RPAP2: variants seen among roughly 807,000 people sequenced by gnomAD.
RPAP2 encodes the protein putative RNA polymerase II subunit B1 CTD phosphatase RPAP2.
A neutral mutation model predicts 73.1 loss-of-function variants in RPAP2; 52 were observed. The ratio of observed to expected loss-of-function variants is 0.71; its 90% confidence interval spans 0.57 to 0.90. The LOEUF is 0.90. Ranked by LOEUF, RPAP2 falls within the 40% of genes least tolerant of loss-of-function variation. RPAP2 has a pLI of 0.00. For missense variants in RPAP2, 598 were observed against 701.8 expected, an observed-to-expected ratio of 0.85 and a Z score of 1.67; for synonymous variants, 225 against 242.1, an observed-to-expected ratio of 0.93 and a Z score of 0.65.
chr1:92,322,743 G>A (rs1652357565), intron 7 of RPAP2, among the ~76,000 whole-genome samples: 1 of 151,326 alleles, frequency 6.6e-6, no homozygotes, highest in Admixed American at 6.6e-5. Flanking sequence ...CAGGCGTGGT[G>A]GTGCCCACGT....
At chr1:92,346,429 G>T (rs1653904486) in intron 11 of RPAP2, among the ~76,000 whole-genome samples, 1 of 152,072 alleles carries the variant, frequency 6.6e-6, no homozygotes, top group South Asian at 2.1e-4. Context: ...CTCCCAAACT[G>T]CTAGGATTAT....
intron 6 of RPAP2, among the ~76,000 whole-genome samples, chr1:92,315,713 C>G (rs1039522452): frequency 6.6e-6 from 1 of 152,098 alleles, no homozygotes; most frequent in Non-Finnish European, 1.5e-5. Flanking sequence ...TAAATTCTAC[C>G]TCCATACTTT....
chr1:92,386,785 C>T (rs1431149334), intron 12 of RPAP2, among the ~76,000 whole-genome samples: 1 of 152,092 alleles, frequency 6.6e-6, no homozygotes, highest in East Asian at 1.9e-4. Context: ...ACTGCAATCT[C>T]TGCCTCCCGA....
intron 6 of RPAP2, among the ~76,000 whole-genome samples, chr1:92,314,526 G>C (rs1178180894): frequency 6.6e-6 from 1 of 152,266 alleles, no homozygotes; most frequent in East Asian, 1.9e-4. Flanking sequence ...AAGGCCGGTG[G>C]ATCACTTGAG....
intron 11 of RPAP2, among the ~76,000 whole-genome samples, chr1:92,359,794 GA>G (rs1444589703): frequency 6.6e-6 from 1 of 152,196 alleles, no homozygotes; most frequent in Non-Finnish European, 1.5e-5. Context: ...TGGGATGGAT[GA>G]AATGGCAAGA....
intron 11 of RPAP2, among the ~76,000 whole-genome samples, chr1:92,360,079 A>T (rs2101379983): frequency 6.6e-6 from 1 of 152,368 alleles, no homozygotes; most frequent in African/African-American, 2.4e-5. Flanking sequence ...CAGAGCTAAG[A>T]TTCAGACTCA....
intron 11 of RPAP2, among the ~76,000 whole-genome samples, chr1:92,347,014 C>A (rs552937411): frequency 6.6e-6 from 1 of 152,260 alleles, no homozygotes; most frequent in African/African-American, 2.4e-5. Flanking sequence ...TTACTTCAGT[C>A]TGACATGTTA....
chr1:92,331,612 C>G (rs1489963102), intron 8 of RPAP2, among the ~76,000 whole-genome samples: 1 of 152,156 alleles, frequency 6.6e-6, no homozygotes, highest in Non-Finnish European at 1.5e-5. Context: ...CATGATTTAA[C>G]TCCATCTATC....
rs1373620467 is a variant in RPAP2, at chr1:92,391,646, AAAG to A, written c.*4641_*4643del. 2 of 144,502 alleles carry A rather than the reference AAAG, an allele frequency of 1.4e-5. No individual in the cohort carries two copies. The highest frequency in any genetic ancestry group is 2.1e-4 in the South Asian group (1 of 4,820). 9.0% of individuals were successfully genotyped at this position (144,502 alleles called of 1,614,324 possible). On this transcript the variant is annotated 3_prime_UTR_variant, in exon 13 of 13. Transcript: ENST00000610020. ...TTGATAGACCGTTAGCAAGGCTAAAAAAGAAGAAAAGAGAGAAGAGTCAAATAG... is the reference window on the plus strand; with the variant it reads ...TTGATAGACCGTTAGCAAGGCTAAAAAAGAAAAGAGAGAAGAGTCAAATAG...
At chr1:92,320,305 G>A (rs903422174) in intron 6 of RPAP2, among the ~76,000 whole-genome samples, 5 of 151,692 alleles carry the variant, frequency 3.3e-5, no homozygotes, top group Non-Finnish European at 7.4e-5. Flanking sequence ...ATGGAGTCTC[G>A]CTCTGTCGCC....
intron 12 of RPAP2, among the ~76,000 whole-genome samples, chr1:92,381,459 A>G (rs1655624688): frequency 6.6e-6 from 1 of 152,072 alleles, no homozygotes; most frequent in Non-Finnish European, 1.5e-5. Flanking sequence ...CTTAATTATA[A>G]CTTTCCATGT....
chr1:92,336,990 TACTC>T (rs1322581592), intron 10 of RPAP2, among the ~76,000 whole-genome samples: 3 of 152,096 alleles, frequency 2.0e-5, no homozygotes, highest in East Asian at 1.9e-4. Flanking sequence ...AAGATAAAAA[TACTC>T]ACTCAGGCTA....
chr1:92,357,752 G>C (rs923738714), intron 11 of RPAP2, among the ~76,000 whole-genome samples: 1 of 152,188 alleles, frequency 6.6e-6, no homozygotes, highest in African/African-American at 2.4e-5. Context: ...GGCTGGTCTC[G>C]AACTCTTGGC....
At chr1:92,362,614 CACTTCAGAA>C (rs1654777555) in intron 11 of RPAP2, among the ~76,000 whole-genome samples, 2 of 152,276 alleles carry the variant, frequency 1.3e-5, no homozygotes, top group South Asian at 4.1e-4. Flanking sequence ...GCAGCAAAAG[CACTTCAGAA>C]ACTGCTCAAA....
At chr1:92,380,562 A>T (rs565496611) in intron 11 of RPAP2, among the ~76,000 whole-genome samples, 162 bp from the exon 12 acceptor site, 2 of 152,232 alleles carry the variant, frequency 1.3e-5, no homozygotes, top group African/African-American at 4.8e-5. Flanking sequence ...TTTTCCTGAG[A>T]CTTCTCTTCT....
At chr1:92,340,856 ATGACTCAC>A (rs1653555853) in intron 10 of RPAP2, among the ~76,000 whole-genome samples, 1 of 152,172 alleles carries the variant, frequency 6.6e-6, no homozygotes, top group South Asian at 2.1e-4. Flanking sequence ...CTGCTTGATA[ATGACTCAC>A]TGTCATCAGT....
Position 92,401,070 on chromosome 1 carries a change from T to A in RPAP2, c.*14059T>A, listed in dbSNP as rs4970699. 6.6e-6 allele frequency: 1 copy of A among 152,136 alleles called. No individual in the cohort carries two copies. The highest frequency in any genetic ancestry group is 2.4e-5 in the African/African-American group (1 of 41,534). The allele number at this position is 152,136 out of a possible 1,614,324, so 9.4% of individuals were successfully genotyped here. On this transcript the variant is annotated 3_prime_UTR_variant, in exon 13 of 13. Coordinates refer to ENST00000610020, the MANE Select transcript of RPAP2 (RefSeq NM_024813.3). ...CAGATCTCATGAGAACTCACTATCA[T>A]GAGAACAGCAGGGGAGAACCACCCC...
chr1:92,385,963 G>T (rs933141667), intron 12 of RPAP2, among the ~76,000 whole-genome samples: 2 of 152,086 alleles, frequency 1.3e-5, no homozygotes, highest in Non-Finnish European at 1.5e-5. Context: ...TTGTTGGCAG[G>T]ATCGCACTCC....
In RPAP2 at chr1:92,301,589, G is replaced by A; in HGVS notation, c.233G>A (p.Cys78Tyr). 7.7e-7 allele frequency: 1 copy of A among 1,307,172 alleles called. No homozygotes were observed. The allele number at this position is 1,307,172 out of a possible 1,614,324, so 81.0% of individuals were successfully genotyped here. A position where few individuals can be genotyped will look rare whatever the true frequency, so the allele number is the denominator to read the frequency against. ...ENITEEFLME[C>Y]GRFITPAHYS... Reference sequence around the variant, plus strand: ...ATTACAGAAGAGTTCCTAATGGAGTGTGTATGTGTTAAGTTGACAAATTAT... The same window carrying A: ...ATTACAGAAGAGTTCCTAATGGAGTATGTATGTGTTAAGTTGACAAATTAT... The change falls in exon 3 of 13, where the codon TGT becomes TAT. Residue 78 changes from cysteine (C) to tyrosine (Y), a missense_variant and splice_region_variant. Cys to Tyr is a radical substitution (Grantham distance 194). This residue lies in a region of RPAP2 where 506 missense variants were observed against 612.8 expected (regional missense o/e 0.83). Coordinates refer to ENST00000610020, the MANE Select transcript of RPAP2 (RefSeq NM_024813.3).
Sources: allele counts gnomAD v4.1 joint callset (sites outside exome capture counted in the v4.1 genomes callset), GRCh38; gene constraint gnomAD v4.1.1; regional missense constraint gnomAD v4.1.1; transcripts MANE v1.5; gene names NCBI Gene and HGNC (gene_info 2026-07-23, HGNC 2026-07-21).